The following PSTPIP2 variants were observed in gnomAD, a reference collection of about 807,000 sequenced individuals.
The protein encoded by PSTPIP2 is proline-serine-threonine phosphatase-interacting protein 2.
PSTPIP2 carries 33 observed loss-of-function variants against 63.3 expected under a neutral mutation model. The observed-to-expected ratio is 0.52, with a 90% CI of 0.40 to 0.70. The LOEUF is 0.70. Among genes scored for constraint, PSTPIP2 ranks in the 30% least tolerant of loss-of-function variants. The pLI, the probability that PSTPIP2 is intolerant of heterozygous loss-of-function variation, is 0.00. For missense variants in PSTPIP2, 312 were observed against 400.7 expected, an observed-to-expected ratio of 0.78 and a Z score of 1.89; for synonymous variants, 125 against 132.7, an observed-to-expected ratio of 0.94 and a Z score of 0.40.
chr18:45,985,864 C>A (rs1394680172), intron 14 of PSTPIP2, among the ~76,000 whole-genome samples: 1 of 151,966 alleles, frequency 6.6e-6, no homozygotes, highest in Non-Finnish European at 1.5e-5. Flanking sequence ...GCAACCCCCG[C>A]CTCCCAAGTT....
At chr18:45,986,776 T>C (rs1221482174) in intron 14 of PSTPIP2, among the ~76,000 whole-genome samples, 1 of 152,236 alleles carries the variant, frequency 6.6e-6, no homozygotes, top group Non-Finnish European at 1.5e-5. Context: ...GTTGCTTAAA[T>C]ATTAAATATA....
Position 45,998,854 on chromosome 18 carries a change from A to G in PSTPIP2, c.517-15T>C. Reference sequence around the variant, plus strand: ...TTCACAAAAAGCTGTGAAAACAAACAAACAAACAAAAAAAGAGCAAGCATT... The same window carrying G: ...TTCACAAAAAGCTGTGAAAACAAACGAACAAACAAAAAAAGAGCAAGCATT... On this transcript the variant is annotated splice_polypyrimidine_tract_variant and intron_variant, in intron 7 of 14. Coordinates refer to ENST00000409746, the MANE Select transcript of PSTPIP2 (RefSeq NM_024430.4). 1 of 1,613,880 alleles carries G rather than the reference A, an allele frequency of 6.2e-7. No homozygotes were observed. Among genetic ancestry groups the G allele is most frequent in the Admixed American group, 1.7e-5 (1 of 59,998 alleles).
Position 45,985,398 on chromosome 18 carries a change from T to C in PSTPIP2, c.*61A>G. ...ATAACGTGGCTATAGGTCCTGCTGC[T>C]CTGGGTGCCCTTTCCATATCACAGA... On this transcript the variant is annotated 3_prime_UTR_variant, in exon 15 of 15. Coordinates refer to ENST00000409746, the MANE Select transcript of PSTPIP2 (RefSeq NM_024430.4). The C allele has an allele frequency of 6.2e-7, 1 of 1,610,706 alleles. No individual in the cohort carries two copies. Among genetic ancestry groups the C allele is most frequent in the Non-Finnish European group, 8.5e-7 (1 of 1,178,084 alleles).
chr18:46,000,609 C>T (rs952524279), intron 6 of PSTPIP2, among the ~76,000 whole-genome samples: 3 of 152,192 alleles, frequency 2.0e-5, no homozygotes, highest in Admixed American at 1.3e-4. Flanking sequence ...CTCAGGTGAT[C>T]CACCCGCCTC....
intron 4 of PSTPIP2, among the ~76,000 whole-genome samples, chr18:46,012,193 C>A (rs1307682497): frequency 1.3e-5 from 2 of 151,902 alleles, no homozygotes; most frequent in Non-Finnish European, 2.9e-5. Flanking sequence ...AAAATGTAAA[C>A]CTTTCAGTTG....
chr18:45,996,448 G>A (rs1401295054), intron 9 of PSTPIP2, among the ~76,000 whole-genome samples: 2 of 152,168 alleles, frequency 1.3e-5, no homozygotes, highest in African/African-American at 2.4e-5. Context: ...CCCAGGTGAT[G>A]CTGATGCTAC....
chr18:45,998,751 C>T, intron 8 of PSTPIP2, 43 bp downstream of exon 8: 1 of 1,599,606 alleles, frequency 6.3e-7, no homozygotes, highest in Non-Finnish European at 8.5e-7. Flanking sequence ...TAACGTAAAC[C>T]CCACCAGCAA....
At chr18:45,998,520 C>G (rs1490070022) in intron 8 of PSTPIP2, among the ~76,000 whole-genome samples, 2 of 152,172 alleles carry the variant, frequency 1.3e-5, no homozygotes, top group Non-Finnish European at 2.9e-5. Flanking sequence ...TCTAAGCAGA[C>G]AGAAGCCAGA....
chr18:46,007,889 C>T (rs916987789), intron 5 of PSTPIP2, among the ~76,000 whole-genome samples: 9 of 152,164 alleles, frequency 5.9e-5, no homozygotes, highest in Non-Finnish European at 1.0e-4. Flanking sequence ...CCCTGGGGCC[C>T]AAGAGGTGAG....
chr18:46,015,758 G>GC, intron 4 of PSTPIP2, 145 bp downstream of exon 4: 1 of 835,720 alleles, frequency 1.2e-6, no homozygotes. Context: ...TTTCGAGCCT[G>GC]CAGAGCTTTG....
intron 4 of PSTPIP2, among the ~76,000 whole-genome samples, chr18:46,013,209 C>G (rs2051818984): frequency 3.9e-5 from 6 of 152,172 alleles, no homozygotes; most frequent in Admixed American, 2.0e-4. Flanking sequence ...CATACTTGGC[C>G]TCACAGTGCA....
At chr18:46,000,054 G>A (rs895616990) in intron 6 of PSTPIP2, among the ~76,000 whole-genome samples, 1 of 152,122 alleles carries the variant, frequency 6.6e-6, no homozygotes, top group South Asian at 2.1e-4. Flanking sequence ...TGGGAGGGTC[G>A]CTTGTGCCCA....
Position 45,985,405 on chromosome 18 carries a change from G to C in PSTPIP2, c.*54C>G, listed in dbSNP as rs1162816332. 6.2e-7 allele frequency: 1 copy of C among 1,611,898 alleles called. No homozygotes were observed. Among genetic ancestry groups the C allele is most frequent in the Non-Finnish European group, 8.5e-7 (1 of 1,178,750 alleles). On this transcript the variant is annotated 3_prime_UTR_variant, in exon 15 of 15. Coordinates refer to ENST00000409746, the MANE Select transcript of PSTPIP2 (RefSeq NM_024430.4). ...GGCTATAGGTCCTGCTGCTCTGGGT[G>C]CCCTTTCCATATCACAGAAGCACTA...
intron 14 of PSTPIP2, 97 bp from the exon 15 acceptor site, chr18:45,985,547 G>A: frequency 2.3e-6 from 3 of 1,331,934 alleles, no homozygotes; most frequent in Non-Finnish European, 3.1e-6. Flanking sequence ...TAAGGGTGCA[G>A]GCCAAGGAAA....
intron 6 of PSTPIP2, among the ~76,000 whole-genome samples, chr18:46,002,635 C>A (rs1273776474): frequency 2.0e-5 from 3 of 152,164 alleles, no homozygotes; most frequent in Admixed American, 6.5e-5. Flanking sequence ...TATTTCTTTG[C>A]CAGTCCTTCC....
intron 4 of PSTPIP2, among the ~76,000 whole-genome samples, chr18:46,014,765 A>G (rs1410495046): frequency 6.6e-6 from 1 of 152,218 alleles, no homozygotes; most frequent in Non-Finnish European, 1.5e-5. Context: ...AGCCTGTAAG[A>G]TCATGAGTTC....
At chr18:46,000,434 T>A (rs2051651291) in intron 6 of PSTPIP2, among the ~76,000 whole-genome samples, 1 of 152,170 alleles carries the variant, frequency 6.6e-6, no homozygotes, top group Admixed American at 6.5e-5. Context: ...TAGTGCAATC[T>A]CGGCTCACTG....
intron 1 of PSTPIP2, 27 bp downstream of exon 1, chr18:46,072,129 C>A: frequency 6.5e-7 from 1 of 1,527,780 alleles, no homozygotes; most frequent in South Asian, 1.2e-5. Context: ...CTGAGCCCCG[C>A]GATCCGCTGT....
intron 1 of PSTPIP2, among the ~76,000 whole-genome samples, chr18:46,063,881 A>G (rs949599850): frequency 1.3e-5 from 2 of 152,212 alleles, no homozygotes; most frequent in East Asian, 1.9e-4. Flanking sequence ...CGCACATACT[A>G]TTGGGAACAC....
Sources: gnomAD v4.1 joint callset for allele counts (sites outside exome capture counted in the v4.1 genomes callset) on GRCh38, gnomAD v4.1.1 for gene constraint, MANE v1.5 for transcripts, NCBI Gene and HGNC (gene_info 2026-07-23, HGNC 2026-07-21) for gene names.